Variants in BRD4 observed in about 807,000 individuals in gnomAD.
BRD4 encodes bromodomain containing 4.
In BRD4, 16 loss-of-function variants were observed where a neutral mutation model predicts 142.1. That is an observed-to-expected ratio of 0.11 (90% CI 0.08 to 0.17). The LOEUF (loss-of-function observed/expected upper bound fraction) is 0.17. Ranked by LOEUF, BRD4 falls within the 10% of genes least tolerant of loss-of-function variation. The pLI, the probability that BRD4 is intolerant of heterozygous loss-of-function variation, is 1.00. For missense variants in BRD4, 1,424 were observed against 1,810.9 expected (o/e 0.79, Z 3.88); for synonymous variants, 833 against 707.5 (o/e 1.18, Z -2.82).
At position 15,302,284 on chromosome 19, in the gene BRD4, T is replaced by C. The variant is rs2047875497; in HGVS notation, c.-34-29151A>G. ...ACAGAGACCCCCCAGGACTGGGAGA[T>C]GCTGCTTTGCAGGGAAGGCAGACAG... On this transcript the variant is annotated intron_variant, in intron 1 of 19. Coordinates refer to ENST00000679869, the MANE Select transcript of BRD4 (RefSeq NM_001379291.1). 1.3e-5 allele frequency among the ~76,000 whole-genome samples: 2 copies of C among 152,158 alleles called. 1 individual carries two copies. The highest frequency in any genetic ancestry group is 4.1e-4 in the South Asian group (2 of 4,834).
In BRD4 at chr19:15,239,960, T is replaced by C. The variant is rs1435266374; in HGVS notation, c.3232A>G (p.Ser1078Gly). The C allele has an allele frequency of 9.9e-6, 16 of 1,613,664 alleles. No individual in the cohort carries two copies. In the Admixed American group the frequency reaches 2.7e-4, roughly 27 times the overall value. Residue 1078 changes from serine (S) to glycine (G), a missense_variant, in exon 15 of 20, where the codon AGC becomes GGC. By Grantham distance (56) the Ser-to-Gly change is moderately conservative (BLOSUM62 0). Around this residue, in one of 16 missense-constraint regions of BRD4, gnomAD observed 598 missense variants for 647.8 expected, o/e 0.92. Transcript: ENST00000679869. This position sits in a 1 kb window ranked among gnomAD's most constrained non-coding sequence, Gnocchi z 7.4. ...TGGGGTGGAGACTGGTGGGTCAGGC[T>C]CTGGAACTGTGACATCTGGGGGGAA... Reference protein sequence around the residue: ...IHSPQMSQFQSLTHQSPPQQN... With the variant: ...IHSPQMSQFQGLTHQSPPQQN...
rs767464916 is a variant in BRD4, at chr19:15,238,895, G to A, written c.3868C>T (p.Arg1290Cys). The change falls in exon 19 of 20, where the codon CGC becomes TGC. Residue 1290 changes from arginine (R) to cysteine (C), a missense_variant. Arg to Cys is a radical substitution (Grantham distance 180, BLOSUM62 -3). Transcript: ENST00000679869. The surrounding 1 kb of genome is among the most constrained non-coding windows in gnomAD (Gnocchi z 7.2). ...RRRQEQQQQQ[R>C]QEQQQQQQQQ... ...TGCTGCTGCTGCTGTTGCTCCTGGC[G>A]CTGCTGCTGCTGCTGCTCCTGGCGC... 42 of 1,580,166 alleles carry A rather than the reference G, an allele frequency of 2.7e-5. No homozygotes were observed. The highest frequency in any genetic ancestry group is 5.4e-5 in the African/African-American group (4 of 74,156).
Position 15,244,093 on chromosome 19 carries a change from C to T in BRD4, c.2581+138G>A, listed in dbSNP as rs182777597. The stretch of plus-strand genomic sequence containing the variant: ...TCTCCTTTAACTTCCAAGATGGCCT[C>T]GAGAAGCCACAGATCTTCCCTCTAG... On this transcript the variant is annotated intron_variant, in intron 13 of 19. Coordinates refer to ENST00000679869, the MANE Select transcript of BRD4 (RefSeq NM_001379291.1). 160 of 1,476,702 alleles carry T rather than the reference C, an allele frequency of 1.1e-4. No homozygotes were observed. In the African/African-American group the frequency reaches 1.7e-3, roughly 16 times the overall value. 91.5% of individuals were successfully genotyped at this position (1,476,702 alleles called of 1,614,324 possible). A position where few individuals can be genotyped will look rare whatever the true frequency, so the allele number is the denominator to read the frequency against.
At chr19:15,300,021 GATC>G (rs2047854462) in intron 1 of BRD4, among the ~76,000 whole-genome samples, 1 of 151,854 alleles carries the variant, frequency 6.6e-6, no homozygotes, top group Admixed American at 6.6e-5. Flanking sequence ...GAGGTGAGAG[GATC>G]ACTTGAGCCC....
intron 11 of BRD4, chr19:15,252,999 G>C (rs951493239): frequency 4.7e-6 from 1 of 213,876 alleles, no homozygotes; most frequent in Non-Finnish European, 9.5e-6. Context: ...TGATTATTGA[G>C]GGTTAGCATT....
chr19:15,326,232 G>C (rs1483933933), intron 1 of BRD4, among the ~76,000 whole-genome samples: 6 of 150,834 alleles, frequency 4.0e-5, no homozygotes, highest in Non-Finnish European at 7.4e-5. Flanking sequence ...GGACGCCGAG[G>C]TAGGCAGATC....
chr19:15,327,931 T>A (rs866166162), intron 1 of BRD4, among the ~76,000 whole-genome samples: 2 of 43,478 alleles, frequency 4.6e-5, no homozygotes, highest in Non-Finnish European at 4.0e-5. Context: ...GGGGGGGGGG[T>A]GGAAATGTCC....
intron 1 of BRD4, among the ~76,000 whole-genome samples, chr19:15,311,297 AAAAC>A (rs1427700058): frequency 6.6e-6 from 1 of 151,982 alleles, no homozygotes; most frequent in Admixed American, 6.6e-5. Context: ...GTCTCAAAAA[AAAAC>A]AAAAAAACAA....
chr19:15,296,750 G>A (rs1265517512), intron 1 of BRD4, among the ~76,000 whole-genome samples: 1 of 152,222 alleles, frequency 6.6e-6, no homozygotes, highest in Non-Finnish European at 1.5e-5. Context: ...GGAAAATCCA[G>A]GGGCATAAAG....
intron 1 of BRD4, among the ~76,000 whole-genome samples, chr19:15,274,011 G>A (rs1344465900): frequency 6.6e-6 from 1 of 151,978 alleles, no homozygotes; most frequent in Non-Finnish European, 1.5e-5. Context: ...ATGCAGTTCT[G>A]GCAAATAATC....
intron 7 of BRD4, among the ~76,000 whole-genome samples, chr19:15,258,563 C>T (rs1457387663): frequency 6.6e-6 from 1 of 152,078 alleles, no homozygotes; most frequent in Admixed American, 6.5e-5. Context: ...GGATGACCAG[C>T]GTGAGCCACT....
At chr19:15,255,682 G>C in intron 9 of BRD4, 90 bp from the exon 10 acceptor site, 2 of 1,451,256 alleles carry the variant, frequency 1.4e-6, no homozygotes, top group Non-Finnish European at 1.8e-6. Flanking sequence ...GGGGGAAGGG[G>C]TGCCCTTCCC....
intron 1 of BRD4, among the ~76,000 whole-genome samples, chr19:15,322,374 C>T (rs1377004356): frequency 3.3e-5 from 5 of 151,908 alleles, no homozygotes; most frequent in African/African-American, 9.7e-5. Context: ...CGGGTTCACG[C>T]CATTCTCCTC....
chr19:15,322,326 C>G (rs1419431384), intron 1 of BRD4, among the ~76,000 whole-genome samples: 2 of 152,074 alleles, frequency 1.3e-5, no homozygotes, highest in Non-Finnish European at 2.9e-5. Context: ...GGCTGGAGTG[C>G]AGTGACACGA....
chr19:15,261,209 G>A (rs555707854), intron 7 of BRD4, among the ~76,000 whole-genome samples: 8 of 152,290 alleles, frequency 5.3e-5, no homozygotes, highest in East Asian at 1.9e-4. Flanking sequence ...AAGTCTGGCC[G>A]GGCACGGTGG....
Position 15,239,539 on chromosome 19 carries a change from C to A in BRD4, c.3446-17G>T. The A allele has an allele frequency of 6.2e-7, 1 of 1,604,086 alleles. No homozygotes were observed. The highest frequency in any genetic ancestry group is 1.1e-5 in the South Asian group (1 of 90,224). The stretch of plus-strand genomic sequence containing the variant: ...TTTCCGGCCCTGGAACATAAACAGC[C>A]GGTGGGCCCTGGCCCACCTCACCCC... On this transcript the variant is annotated splice_polypyrimidine_tract_variant and intron_variant, in intron 16 of 19. Coordinates refer to ENST00000679869, the MANE Select transcript of BRD4 (RefSeq NM_001379291.1). The surrounding 1 kb of genome is among the most constrained non-coding windows in gnomAD (Gnocchi z 7.4).
rs559421854 is a variant in BRD4, at chr19:15,315,513, G to C, written c.-35+16777C>G. ...GAAACAGAATCCTTAAGGGGATTGG[G>C]GGGGGGAAGCACCCATGAGCTAGAA... On this transcript the variant is annotated intron_variant, in intron 1 of 19. Transcript: ENST00000679869. Among the ~76,000 whole-genome samples the C allele has an allele frequency of 1.1e-4, 16 of 152,276 alleles. No homozygotes were observed. In the East Asian group the frequency reaches 2.1e-3, roughly 20 times the overall value.
chr19:15,240,653 T>G (rs1254349134), intron 14 of BRD4, among the ~76,000 whole-genome samples: 1 of 152,174 alleles, frequency 6.6e-6, no homozygotes, highest in Non-Finnish European at 1.5e-5. Flanking sequence ...CAGGCCAGCC[T>G]GACACCTGCA....
At chr19:15,286,099 C>T (rs1480748139) in intron 1 of BRD4, among the ~76,000 whole-genome samples, 1 of 152,222 alleles carries the variant, frequency 6.6e-6, no homozygotes, top group African/African-American at 2.4e-5. Context: ...CAATACCCTC[C>T]CACCAATTCT....
Sources: allele counts gnomAD v4.1 joint callset (sites outside exome capture counted in the v4.1 genomes callset), GRCh38; gene constraint gnomAD v4.1.1; regional missense constraint gnomAD v4.1.1; non-coding constraint Gnocchi (gnomAD v3.1); transcripts MANE v1.5; gene names NCBI Gene and HGNC (gene_info 2026-07-23, HGNC 2026-07-21).